GRIK4: variants seen among roughly 807,000 people sequenced by gnomAD.
GRIK4 encodes glutamate receptor ionotropic, kainate 4.
Under a neutral mutation model 104.9 loss-of-function variants are expected in GRIK4, and 40 were observed. The ratio of observed to expected loss-of-function variants is 0.38; its 90% CI spans 0.30 to 0.50. The LOEUF (loss-of-function observed/expected upper bound fraction) is 0.50. GRIK4 is among the 20% of genes least tolerant of loss of function. The probability of loss-of-function intolerance (pLI) is 0.93; values close to 1 mark genes in which losing one functional copy is unlikely to be tolerated. For synonymous variants in GRIK4, 485 were observed against 524.9 expected (o/e 0.92, Z 1.04); for missense variants, 1,047 against 1,308.1 (o/e 0.80, Z 3.08).
intron 14 of GRIK4, among the ~76,000 whole-genome samples, chr11:120,941,186 C>T (rs533182041): frequency 6.6e-6 from 1 of 152,354 alleles, no homozygotes; most frequent in East Asian, 1.9e-4. Flanking sequence ...ACCAGAAGAG[C>T]CTTCCTTTCC....
chr11:120,579,602 G>C (rs556439195), intron 1 of GRIK4, among the ~76,000 whole-genome samples: 1 of 152,198 alleles, frequency 6.6e-6, no homozygotes, highest in Admixed American at 6.5e-5. Context: ...TATTTTGACA[G>C]CTTATAAAGG....
At chr11:120,760,824 A>AT (rs886726674) in intron 3 of GRIK4, among the ~76,000 whole-genome samples, 88 of 148,262 alleles carry the variant, frequency 5.9e-4, no homozygotes, top group African/African-American at 1.8e-3. Context: ...TATGTGCCAC[A>AT]TTTTTTTTTT....
At chr11:120,603,777 G>A (rs1320548662) in intron 1 of GRIK4, among the ~76,000 whole-genome samples, 1 of 152,106 alleles carries the variant, frequency 6.6e-6, no homozygotes, top group African/African-American at 2.4e-5. Context: ...GGACATTTTT[G>A]TTGCCACAAG....
At chr11:120,737,950 A>G (rs920291508) in intron 3 of GRIK4, among the ~76,000 whole-genome samples, 11 of 152,212 alleles carry the variant, frequency 7.2e-5, no homozygotes, top group African/African-American at 1.4e-4. Flanking sequence ...AATCAAAACC[A>G]GAAAAAGTGA....
intron 3 of GRIK4, among the ~76,000 whole-genome samples, 156 bp from the exon 4 acceptor site, chr11:120,802,537 A>G (rs1054177891): frequency 6.6e-6 from 1 of 152,142 alleles, no homozygotes; most frequent in African/African-American, 2.4e-5. Context: ...CTTGGAGAGA[A>G]CTTGTTCTGG....
At chr11:120,758,372 A>G (rs1307465040) in intron 3 of GRIK4, among the ~76,000 whole-genome samples, 1 of 151,996 alleles carries the variant, frequency 6.6e-6, no homozygotes, top group Non-Finnish European at 1.5e-5. Flanking sequence ...GGTTTCATAA[A>G]CTTTTTTTTC....
chr11:120,513,434 T>C lies in GRIK4; in HGVS notation c.-159+1547T>C, dbSNP rs939014226. Among the ~76,000 whole-genome samples, 46 of 152,142 alleles carry C rather than the reference T, an allele frequency of 3.0e-4. No homozygotes were observed. Among genetic ancestry groups the C allele is most frequent in the Admixed American group, 1.3e-4 (2 of 15,280 alleles). On this transcript the variant is annotated intron_variant, in intron 1 of 20. Coordinates refer to ENST00000527524, the MANE Select transcript of GRIK4 (RefSeq NM_014619.5). This position sits in a 1 kb window ranked among gnomAD's most constrained non-coding sequence, Gnocchi z 4.5. ...GGGCGAGGGGCTTGTCGAGGTCCAC[T>C]GTGTTCCGGTCCCACCAGGGATGGC...
intron 13 of GRIK4, among the ~76,000 whole-genome samples, chr11:120,912,359 G>A (rs563686179): frequency 6.6e-6 from 1 of 152,154 alleles, no homozygotes; most frequent in Non-Finnish European, 1.5e-5. Context: ...TAGACTGTAG[G>A]GTGAATGGAT....
intron 8 of GRIK4, chr11:120,859,034 G>A (rs1410579590): frequency 6.6e-6 from 1 of 152,188 alleles, no homozygotes; most frequent in Non-Finnish European, 1.5e-5. Context: ...AGAATTGTGG[G>A]ACAAGAAGGT....
At chr11:120,551,126 T>C (rs1948135388) in intron 1 of GRIK4, among the ~76,000 whole-genome samples, 2 of 151,994 alleles carry the variant, frequency 1.3e-5, no homozygotes, top group South Asian at 2.1e-4. Context: ...CCAACATACA[T>C]GGAGGGAGGG....
intron 3 of GRIK4, among the ~76,000 whole-genome samples, chr11:120,799,490 T>C (rs1952584796): frequency 6.6e-6 from 1 of 152,196 alleles, no homozygotes; most frequent in Non-Finnish European, 1.5e-5. Context: ...CAGCAAATCC[T>C]TGAGTTTTTA....
At chr11:120,895,634 G>C (rs1226623474) in intron 11 of GRIK4, among the ~76,000 whole-genome samples, 1 of 152,192 alleles carries the variant, frequency 6.6e-6, no homozygotes, top group Non-Finnish European at 1.5e-5. Flanking sequence ...AAACAAGAAA[G>C]ATCACAGAAT....
chr11:120,521,247 AT>A (rs112514954), intron 1 of GRIK4, among the ~76,000 whole-genome samples: 1 of 151,912 alleles, frequency 6.6e-6, no homozygotes, highest in African/African-American at 2.4e-5. Context: ...GAATATTTTG[AT>A]TTTTTGTGGA....
chr11:120,876,282 C>A, intron 11 of GRIK4, among the ~76,000 whole-genome samples: 1 of 137,460 alleles, frequency 7.3e-6, no homozygotes, highest in African/African-American at 2.8e-5. Context: ...CCACCACTAC[C>A]ACCATCATCA....
intron 1 of GRIK4, among the ~76,000 whole-genome samples, chr11:120,597,227 C>T (rs1188160301): frequency 6.6e-6 from 1 of 152,238 alleles, no homozygotes; most frequent in Non-Finnish European, 1.5e-5. Flanking sequence ...GGGCCGCTCC[C>T]TCTCCACCTG....
rs959419466 is a variant in GRIK4, at chr11:120,700,791, C to T, written c.82+40391C>T. Reference sequence around the variant, plus strand: ...ATTTTTAGTAGAGACAGGGTTTCACCATGTTGGCCAGGCTGGTGTCGAACT... The same window carrying T: ...ATTTTTAGTAGAGACAGGGTTTCACTATGTTGGCCAGGCTGGTGTCGAACT... On this transcript the variant is annotated intron_variant, in intron 3 of 20. Coordinates refer to ENST00000527524, the MANE Select transcript of GRIK4 (RefSeq NM_014619.5). Among the ~76,000 whole-genome samples, 4 of 152,104 alleles carry T rather than the reference C, an allele frequency of 2.6e-5. No homozygotes were observed. In the South Asian group the frequency reaches 8.3e-4, roughly 32 times the overall value.
rs142894634 is a variant in GRIK4 at position 120,831,323 on chromosome 11, C to T, written c.512-529C>T. ...AACATTTGTGAGGGTTTAATGTGTC[C>T]GAGGCTCGGGCCTGAGCCCTTCACA... On this transcript the variant is annotated intron_variant, in intron 6 of 20. Transcript: ENST00000527524. Among the ~76,000 whole-genome samples the T allele has an allele frequency of 9.3e-3, 1,419 of 152,304 alleles. 26 individuals are homozygous for T. The highest frequency in any genetic ancestry group is 0.033 in the African/African-American group (1,351 of 41,554).
At chr11:120,932,025 C>A (rs1394287731) in intron 13 of GRIK4, among the ~76,000 whole-genome samples, 1 of 152,188 alleles carries the variant, frequency 6.6e-6, no homozygotes, top group African/African-American at 2.4e-5. Context: ...ACTGGTCCCT[C>A]CTGTTCAGGC....
intron 12 of GRIK4, among the ~76,000 whole-genome samples, chr11:120,900,158 G>C (rs754511859): frequency 2.0e-5 from 3 of 152,222 alleles, no homozygotes; most frequent in African/African-American, 4.8e-5. Flanking sequence ...GATGGGCTCT[G>C]AAAGACAGGG....
Sources: gnomAD v4.1 joint callset for allele counts (sites outside exome capture counted in the v4.1 genomes callset) on GRCh38, gnomAD v4.1.1 for gene constraint, Gnocchi (gnomAD v3.1) non-coding constraint, MANE v1.5 for transcripts, NCBI Gene and HGNC (gene_info 2026-07-23, HGNC 2026-07-21) for gene names.